ANKRD12: variants seen among roughly 807,000 people sequenced by gnomAD.
ANKRD12 encodes the protein ankyrin repeat domain 12.
ANKRD12 carries 85 observed loss-of-function variants against 183.4 expected under a neutral mutation model. That is an observed-to-expected ratio of 0.46 (90% CI 0.39 to 0.56). The LOEUF (loss-of-function observed/expected upper bound fraction) is 0.56. Ranked by LOEUF, ANKRD12 falls within the 20% of genes least tolerant of loss-of-function variation. ANKRD12 has a pLI of 0.00. For synonymous variants in ANKRD12, 914 were observed against 800.2 expected (o/e 1.14, Z -2.40); for missense variants, 2,405 against 2,357.1 (o/e 1.02, Z -0.42).
At chr18:9,279,720 A>G in intron 12 of ANKRD12, 76 bp downstream of exon 12, 6 of 818,426 alleles carry the variant, frequency 7.3e-6, no homozygotes, top group South Asian at 1.7e-5. Context: ...CAGCTGTATT[A>G]GGGAGAAATA....
intron 3 of ANKRD12, among the ~76,000 whole-genome samples, chr18:9,196,591 G>A (rs1354340068): frequency 2.6e-5 from 4 of 152,156 alleles, no homozygotes; most frequent in South Asian, 4.2e-4. Flanking sequence ...TCTTGACTCT[G>A]GAAACTGAAA....
At chr18:9,210,321 C>G (rs970751044) in intron 5 of ANKRD12, among the ~76,000 whole-genome samples, 1 of 152,152 alleles carries the variant, frequency 6.6e-6, no homozygotes, top group South Asian at 2.1e-4. Context: ...TATGAGAAGT[C>G]TTCTAAGCAG....
chr18:9,197,292 C>G (rs940440964), intron 3 of ANKRD12, among the ~76,000 whole-genome samples: 11 of 152,134 alleles, frequency 7.2e-5, no homozygotes, highest in African/African-American at 2.7e-4. Flanking sequence ...TAGATTTTTT[C>G]TACCGTTGGA....
At chr18:9,230,510 G>C (rs1598627398) in intron 8 of ANKRD12, among the ~76,000 whole-genome samples, 1 of 151,730 alleles carries the variant, frequency 6.6e-6, no homozygotes. Flanking sequence ...GGTTTAGTTT[G>C]TTTTTGCTTT....
At chr18:9,235,420 G>A (rs945283877) in intron 8 of ANKRD12, among the ~76,000 whole-genome samples, 7 of 152,104 alleles carry the variant, frequency 4.6e-5, no homozygotes, top group Middle Eastern at 3.2e-3. Flanking sequence ...GTAAAGAGAA[G>A]TATCTTTATA....
At chr18:9,172,534 AT>A (rs1190583021) in intron 1 of ANKRD12, among the ~76,000 whole-genome samples, 1 of 152,074 alleles carries the variant, frequency 6.6e-6, no homozygotes, top group Non-Finnish European at 1.5e-5. Flanking sequence ...TTGTGGTTGC[AT>A]TGTGAATTTC....
chr18:9,245,785 T>C (rs1036312912), intron 8 of ANKRD12, among the ~76,000 whole-genome samples: 1 of 152,326 alleles, frequency 6.6e-6, no homozygotes, highest in African/African-American at 2.4e-5. Context: ...GGTTGTTTTG[T>C]CAATATACTC....
intron 1 of ANKRD12, among the ~76,000 whole-genome samples, chr18:9,139,467 A>G (rs774243333): frequency 1.3e-5 from 2 of 152,196 alleles, no homozygotes; most frequent in Non-Finnish European, 2.9e-5. Context: ...TTAAAATATC[A>G]TTTTGATTTC....
rs2038599823 is a variant in ANKRD12, at chr18:9,256,070, A to T, written c.2803A>T (p.Asn935Tyr). ...SKEKHLMEKKNKQSDNSEYSK... is the reference protein window; with the variant it reads ...SKEKHLMEKKYKQSDNSEYSK... The stretch of plus-strand genomic sequence containing the variant: ...AGAAAAGCACTTGATGGAGAAAAAA[A>T]ATAAACAATCAGATAATAGTGAATA... The change falls in exon 9 of 13, where the codon AAT (asparagine) becomes TAT (tyrosine). Residue 935 changes from asparagine (N) to tyrosine (Y), a missense_variant. Physicochemically the swap from Asn to Tyr is moderately radical, Grantham distance 143. Coordinates refer to ENST00000262126, the MANE Select transcript of ANKRD12 (RefSeq NM_015208.5). The T allele has an allele frequency of 6.4e-7, 1 of 1,564,258 alleles. No individual in the cohort carries two copies. The highest frequency in any genetic ancestry group is 1.2e-5 in the South Asian group (1 of 81,996).
At chr18:9,177,033 C>T (rs1016968430) in intron 1 of ANKRD12, among the ~76,000 whole-genome samples, 8 of 152,234 alleles carry the variant, frequency 5.3e-5, no homozygotes, top group Admixed American at 4.6e-4. Context: ...GAAACATCTT[C>T]GAAGGCAGAA....
At chr18:9,139,740 A>G (rs759973982) in intron 1 of ANKRD12, among the ~76,000 whole-genome samples, 1 of 152,200 alleles carries the variant, frequency 6.6e-6, no homozygotes, top group Non-Finnish European at 1.5e-5. Context: ...AAAAACATGT[A>G]TTTGTAAGAT....
Position 9,283,494 on chromosome 18 carries a change from G to A in ANKRD12, c.*2368G>A, listed in dbSNP as rs750426590. Reference sequence around the variant, plus strand: ...AATGTATAATCAAATAAGTAGTTAAGGGCTTTTGGTATTAAAGATATTCTG... The same window carrying A: ...AATGTATAATCAAATAAGTAGTTAAAGGCTTTTGGTATTAAAGATATTCTG... On this transcript the variant is annotated 3_prime_UTR_variant, in exon 13 of 13. Coordinates refer to ENST00000262126, the MANE Select transcript of ANKRD12 (RefSeq NM_015208.5). 6.6e-6 allele frequency: 1 copy of A among 152,336 alleles called. No homozygotes were observed. The highest frequency in any genetic ancestry group is 1.5e-5 in the Non-Finnish European group (1 of 68,018). 9.4% of individuals were successfully genotyped at this position (152,336 alleles called of 1,614,324 possible). A position where few individuals can be genotyped will look rare whatever the true frequency, so the allele number is the denominator to read the frequency against.
At chr18:9,195,775 T>C in intron 3 of ANKRD12, 77 bp downstream of exon 3, 4 of 1,286,288 alleles carry the variant, frequency 3.1e-6, no homozygotes, top group Non-Finnish European at 4.3e-6. Flanking sequence ...ACACCACTCC[T>C]CTTGACACCC....
chr18:9,269,084 A>G (rs2039460377), intron 10 of ANKRD12, among the ~76,000 whole-genome samples: 1 of 152,330 alleles, frequency 6.6e-6, no homozygotes, highest in East Asian at 1.9e-4. Flanking sequence ...GACCTCTTCA[A>G]GGAGAACTAC....
At chr18:9,210,391 T>C (rs1291825547) in intron 5 of ANKRD12, among the ~76,000 whole-genome samples, 2 of 152,034 alleles carry the variant, frequency 1.3e-5, no homozygotes, top group Non-Finnish European at 2.9e-5. Context: ...GAAAAACTTC[T>C]GTAGGAAACT....
At chr18:9,166,739 A>G (rs1259806884) in intron 1 of ANKRD12, among the ~76,000 whole-genome samples, 19 of 152,144 alleles carry the variant, frequency 1.2e-4, no homozygotes, top group African/African-American at 4.3e-4. Context: ...CCATTTGTCA[A>G]TTTTGGCTTT....
intron 10 of ANKRD12, among the ~76,000 whole-genome samples, chr18:9,268,118 A>G (rs2039403425): frequency 6.6e-6 from 1 of 152,232 alleles, no homozygotes; most frequent in Non-Finnish European, 1.5e-5. Context: ...AAATTGAGGC[A>G]ATAATTAATA....
intron 1 of ANKRD12, among the ~76,000 whole-genome samples, chr18:9,169,876 C>A (rs1421150117): frequency 1.3e-5 from 2 of 152,198 alleles, no homozygotes; most frequent in Admixed American, 1.3e-4. Flanking sequence ...ATGTTTAGTG[C>A]TTCCTTCAGG....
At chr18:9,277,321 CTTTTTTTTTTT>C (rs773999861) in intron 11 of ANKRD12, among the ~76,000 whole-genome samples, 2 of 84,652 alleles carry the variant, frequency 2.4e-5, no homozygotes, top group East Asian at 3.7e-4. Flanking sequence ...CACCCTGTTT[CTTTTTTTTTTT>C]TTTTTTTTTT....
Sources: allele counts gnomAD v4.1 joint callset (sites outside exome capture counted in the v4.1 genomes callset), GRCh38; gene constraint gnomAD v4.1.1; transcripts MANE v1.5; gene names NCBI Gene and HGNC (gene_info 2026-07-23, HGNC 2026-07-21).